Variants in PRKD1 observed in about 807,000 individuals in gnomAD.
The protein encoded by PRKD1 is protein kinase D1.
A neutral mutation model predicts 95.9 loss-of-function variants in PRKD1; 63 were observed. That is an observed-to-expected ratio of 0.66 (90% CI 0.54 to 0.81). The LOEUF is 0.81. Ranked by LOEUF, PRKD1 falls within the 30% of genes least tolerant of loss-of-function variation. The pLI, the probability that PRKD1 is intolerant of heterozygous loss-of-function variation, is 0.00. For missense variants in PRKD1, 1,048 were observed against 1,165.3 expected (o/e 0.90, Z 1.47); for synonymous variants, 425 against 423.1 (o/e 1.00, Z -0.05).
At position 29,589,281 on chromosome 14, in the gene PRKD1, T is replaced by A. The variant is rs531636222; in HGVS notation, c.2434+8210A>T. The stretch of plus-strand genomic sequence containing the variant: ...TCATCATTTTCCTAGTGAAACGACT[T>A]GCACTGAAGCAAATTATATCTCACT... On this transcript the variant is annotated intron_variant, in intron 16 of 17. Transcript: ENST00000331968. Among the ~76,000 whole-genome samples, 60 of 152,346 alleles carry A rather than the reference T, an allele frequency of 3.9e-4. 1 individual carries two copies. The highest frequency in any genetic ancestry group is 6.8e-3 in the Middle Eastern group (2 of 294).
intron 1 of PRKD1, among the ~76,000 whole-genome samples, chr14:29,859,345 A>T (rs545683523): frequency 6.6e-6 from 1 of 152,028 alleles, no homozygotes; most frequent in Non-Finnish European, 1.5e-5. Flanking sequence ...GTGGTGGCTC[A>T]CACCTGTAAT....
intron 2 of PRKD1, among the ~76,000 whole-genome samples, chr14:29,678,719 T>C (rs7160365): frequency 0.98 from 149,717 of 152,318 alleles, 73,589 homozygotes; most frequent in East Asian, 1. Flanking sequence ...AGGTATGTTT[T>C]TAATAAAATA....
chr14:29,920,606 A>G (rs2139138282), intron 1 of PRKD1, among the ~76,000 whole-genome samples: 1 of 151,776 alleles, frequency 6.6e-6, no homozygotes, highest in Admixed American at 6.6e-5. Flanking sequence ...ACACACACAC[A>G]CACACACACA....
chr14:29,920,067 A>AGG (rs71112303), intron 1 of PRKD1, among the ~76,000 whole-genome samples: 19 of 129,560 alleles, frequency 1.5e-4, no homozygotes, highest in African/African-American at 2.6e-4. Context: ...GAAGGAAGGA[A>AGG]AGAAGGAAGG....
chr14:29,664,460 T>C (rs947186736), intron 3 of PRKD1, among the ~76,000 whole-genome samples: 2 of 152,218 alleles, frequency 1.3e-5, no homozygotes, highest in Admixed American at 1.3e-4. Context: ...CTTTTCAATA[T>C]TTTTAATATT....
At chr14:29,670,749 C>T (rs1882792241) in intron 2 of PRKD1, among the ~76,000 whole-genome samples, 1 of 152,146 alleles carries the variant, frequency 6.6e-6, no homozygotes, top group Admixed American at 6.5e-5. Flanking sequence ...TTTTTTCCTG[C>T]TTCTCTGTTG....
chr14:29,840,639 T>C (rs891922139), intron 1 of PRKD1, among the ~76,000 whole-genome samples: 6 of 152,208 alleles, frequency 3.9e-5, no homozygotes, highest in African/African-American at 1.4e-4. Context: ...AGATGTTTAA[T>C]GGACTTACAG....
At chr14:29,618,489 C>A (rs1879021903) in intron 13 of PRKD1, among the ~76,000 whole-genome samples, 2 of 152,146 alleles carry the variant, frequency 1.3e-5, no homozygotes, top group Non-Finnish European at 2.9e-5. Context: ...CTCCTGACCT[C>A]AGGTGATCCG....
intron 1 of PRKD1, among the ~76,000 whole-genome samples, chr14:29,887,948 C>G (rs1294605191): frequency 6.6e-6 from 1 of 152,132 alleles, no homozygotes; most frequent in African/African-American, 2.4e-5. Context: ...CATTACTGAG[C>G]AAAGGAATAT....
At chr14:29,850,709 T>C (rs1463978512) in intron 1 of PRKD1, among the ~76,000 whole-genome samples, 8 of 151,692 alleles carry the variant, frequency 5.3e-5, no homozygotes, top group African/African-American at 1.2e-4. Flanking sequence ...TCATTTTTCA[T>C]GAATTAAAAA....
chr14:29,838,318 G>T (rs1891689788), intron 1 of PRKD1, among the ~76,000 whole-genome samples: 1 of 151,948 alleles, frequency 6.6e-6, no homozygotes, highest in African/African-American at 2.4e-5. Context: ...GTATAATCAA[G>T]CAAACATCAA....
intron 1 of PRKD1, among the ~76,000 whole-genome samples, chr14:29,791,079 T>C (rs146966123): frequency 1.3e-5 from 2 of 152,236 alleles, no homozygotes; most frequent in African/African-American, 2.4e-5. Context: ...CTTCAACAAA[T>C]ACATACACAA....
intron 1 of PRKD1, among the ~76,000 whole-genome samples, chr14:29,808,600 A>G (rs1237543723): frequency 6.6e-6 from 1 of 151,348 alleles, no homozygotes; most frequent in African/African-American, 2.4e-5. Flanking sequence ...GAGTTTCACC[A>G]TATTGGCCAG....
At chr14:29,648,296 ATT>A (rs3065239) in intron 4 of PRKD1, among the ~76,000 whole-genome samples, 9 of 144,894 alleles carry the variant, frequency 6.2e-5, no homozygotes, top group African/African-American at 5.1e-5. Flanking sequence ...GAGCACCACA[ATT>A]TTTTTTTTTT....
intron 2 of PRKD1, among the ~76,000 whole-genome samples, chr14:29,725,270 C>T (rs1019205211): frequency 6.6e-6 from 1 of 152,100 alleles, no homozygotes; most frequent in African/African-American, 2.4e-5. Flanking sequence ...TGCTGAATGA[C>T]GCCATCTGTA....
chr14:29,766,407 G>A (rs1888259679), intron 1 of PRKD1, among the ~76,000 whole-genome samples: 1 of 152,130 alleles, frequency 6.6e-6, no homozygotes, highest in Non-Finnish European at 1.5e-5. Flanking sequence ...ATCACAGGAC[G>A]ACATTTGCTT....
chr14:29,717,245 T>A (rs973618157), intron 2 of PRKD1, among the ~76,000 whole-genome samples: 8 of 152,094 alleles, frequency 5.3e-5, no homozygotes, highest in African/African-American at 1.9e-4. Context: ...TTAAAATAAA[T>A]CGTTCCTATT....
intron 2 of PRKD1, among the ~76,000 whole-genome samples, chr14:29,701,655 CTTTTT>C (rs1884850611): frequency 6.6e-6 from 1 of 151,896 alleles, no homozygotes; most frequent in African/African-American, 2.4e-5. Context: ...TTTTTCTTTT[CTTTTT>C]TAACTCTTAC....
rs1316168478 is a variant in PRKD1 at position 29,669,694 on chromosome 14, C to G, written c.404-3486G>C. 5.3e-5 allele frequency among the ~76,000 whole-genome samples: 8 copies of G among 152,214 alleles called. 1 individual carries two copies. The highest frequency in any genetic ancestry group is 1.7e-4 in the African/African-American group (7 of 41,546). Reference sequence around the variant, plus strand: ...ACCAGCCTGGCCAACACGGTAAAACCCTATCTCTACTAAAAATACAAAAAT... The same window carrying G: ...ACCAGCCTGGCCAACACGGTAAAACGCTATCTCTACTAAAAATACAAAAAT... On this transcript the variant is annotated intron_variant, in intron 2 of 17. Transcript: ENST00000331968.
Sources: gnomAD v4.1 joint callset for allele counts (sites outside exome capture counted in the v4.1 genomes callset) on GRCh38, gnomAD v4.1.1 for gene constraint, MANE v1.5 for transcripts, NCBI Gene and HGNC (gene_info 2026-07-23, HGNC 2026-07-21) for gene names.